Variants in PDPK1 observed in about 807,000 individuals in gnomAD.
PDPK1 encodes the protein 3-phosphoinositide-dependent protein kinase 1.
A neutral mutation model predicts 39.8 loss-of-function variants in PDPK1; 7 were observed. The ratio of observed to expected loss-of-function variants is 0.18; its 90% CI spans 0.10 to 0.33. The LOEUF is 0.33. Among genes scored for constraint, PDPK1 ranks in the 10% least tolerant of loss-of-function variants. The pLI is 1.00. For missense variants in PDPK1, 182 were observed against 384.7 expected, an observed-to-expected ratio of 0.47 and a Z score of 4.41; for synonymous variants, 118 against 159.1, an observed-to-expected ratio of 0.74 and a Z score of 1.95.
chr16:2,562,638 G>A (rs1172961804), intron 4 of PDPK1: 1 of 149,172 alleles, frequency 6.7e-6, no homozygotes, highest in African/African-American at 2.5e-5. Flanking sequence ...CCCACGAGAA[G>A]CTTCGATTTT....
At chr16:2,538,527 G>T (rs1464855015) in intron 1 of PDPK1, 1 of 787,348 alleles carries the variant, frequency 1.3e-6, no homozygotes, top group South Asian at 1.4e-5. Flanking sequence ...CTTCCACCTG[G>T]AACGGGGTCC....
chr16:2,579,677 C>A (rs1406879738), intron 7 of PDPK1: 2 of 141,372 alleles, frequency 1.4e-5, no homozygotes, highest in Non-Finnish European at 3.1e-5. Context: ...AGAGGCCGGG[C>A]GTGGTGGCTC....
intron 1 of PDPK1, among the ~76,000 whole-genome samples, chr16:2,540,919 G>A (rs1160306193): frequency 6.6e-6 from 1 of 152,242 alleles, no homozygotes; most frequent in Non-Finnish European, 1.5e-5. Context: ...TGCATCCTTA[G>A]GGGAAGGTGA....
At chr16:2,551,748 C>T (rs2066415780) in intron 1 of PDPK1, among the ~76,000 whole-genome samples, 1 of 150,018 alleles carries the variant, frequency 6.7e-6, no homozygotes, top group African/African-American at 2.4e-5. Context: ...CTCACTGCAA[C>T]CTCCGCCTCC....
intron 1 of PDPK1, 32 bp downstream of exon 1, chr16:2,538,168 G>C: frequency 9.5e-7 from 1 of 1,047,396 alleles, no homozygotes; most frequent in Non-Finnish European, 1.2e-6. Flanking sequence ...GGACGCGCCG[G>C]TTTGTTACCC....
intron 1 of PDPK1, 39 bp downstream of exon 1, chr16:2,538,175 A>G: frequency 9.7e-7 from 1 of 1,032,024 alleles, no homozygotes; most frequent in Non-Finnish European, 1.2e-6. Context: ...CCGGTTTGTT[A>G]CCCTGCCGGG....
At chr16:2,587,622 C>T (rs1483473497) in intron 11 of PDPK1, among the ~76,000 whole-genome samples, 1 of 152,164 alleles carries the variant, frequency 6.6e-6, no homozygotes, top group Admixed American at 6.5e-5. Flanking sequence ...AATTCTCCTG[C>T]CTCAACCTCT....
chr16:2,539,835 T>A (rs1350342277), intron 1 of PDPK1, among the ~76,000 whole-genome samples: 1 of 152,208 alleles, frequency 6.6e-6, no homozygotes, highest in African/African-American at 2.4e-5. Context: ...GTATTTGGTG[T>A]CATCCACGGG....
chr16:2,551,684 T>TTAA (rs2066413247), intron 1 of PDPK1, among the ~76,000 whole-genome samples: 1 of 146,056 alleles, frequency 6.8e-6, no homozygotes, highest in Non-Finnish European at 1.5e-5. Context: ...TTTTTGTTTT[T>TTAA]AGACGGAGTT....
At chr16:2,538,328 C>A (rs1303206964) in intron 1 of PDPK1, 192 bp downstream of exon 1, 2 of 406,346 alleles carry the variant, frequency 4.9e-6, no homozygotes, top group Non-Finnish European at 8.7e-6. Flanking sequence ...GGAGACCGGG[C>A]CTGGGTTGCG....
At position 2,593,916 on chromosome 16, in the gene PDPK1, C is replaced by A. The variant is rs1192707193; in HGVS notation, c.1344-1877C>A. 1 of 152,300 alleles carries A rather than the reference C, an allele frequency of 6.6e-6. No homozygotes were observed. Among genetic ancestry groups the A allele is most frequent in the Non-Finnish European group, 1.5e-5 (1 of 68,096 alleles). 9.4% of individuals were successfully genotyped at this position (152,300 alleles called of 1,614,324 possible). A position where few individuals can be genotyped will look rare whatever the true frequency, so the allele number is the denominator to read the frequency against. On this transcript the variant is annotated intron_variant, in intron 11 of 13. Coordinates refer to ENST00000342085, the MANE Select transcript of PDPK1 (RefSeq NM_002613.5). The surrounding 1 kb of genome is among the most constrained non-coding windows in gnomAD (Gnocchi z 4.2). Reference sequence around the variant, plus strand: ...ATCTGTTTCTCTTTGTTTTAATACCCACATTGTGTGTGTTTGCAGGCGAAG... The same window carrying A: ...ATCTGTTTCTCTTTGTTTTAATACCAACATTGTGTGTGTTTGCAGGCGAAG...
rs2067184995 is a variant in PDPK1, at chr16:2,600,018, A to G, written c.*2251A>G. 2 of 233,108 alleles carry G rather than the reference A, an allele frequency of 8.6e-6. No individual in the cohort carries two copies. The highest frequency in any genetic ancestry group is 6.0e-5 in the East Asian group (1 of 16,606). The allele number at this position is 233,108 out of a possible 1,614,324, so 14.4% of individuals were successfully genotyped here. A position where few individuals can be genotyped will look rare whatever the true frequency, so the allele number is the denominator to read the frequency against. Reference sequence around the variant, plus strand: ...ATGCCATTGCCTGAGCTGACAGCCAAGCCCTTCTGTGGGTCACCTTTCTCC... The same window carrying G: ...ATGCCATTGCCTGAGCTGACAGCCAGGCCCTTCTGTGGGTCACCTTTCTCC... On this transcript the variant is annotated 3_prime_UTR_variant, in exon 14 of 14. Transcript: ENST00000342085.
chr16:2,595,198 C>G (rs529450504), intron 11 of PDPK1, among the ~76,000 whole-genome samples: 3 of 152,166 alleles, frequency 2.0e-5, no homozygotes, highest in Non-Finnish European at 4.4e-5. Flanking sequence ...TAAATTAAAG[C>G]CTCTATGTGA....
chr16:2,586,951 G>A (rs929645592), intron 11 of PDPK1, 58 bp downstream of exon 11: 56 of 1,471,926 alleles, frequency 3.8e-5, no homozygotes, highest in Non-Finnish European at 5.1e-5. Flanking sequence ...GAACACGTGG[G>A]GGCTTATGGT....
rs935138196 is a variant in PDPK1 at position 2,598,502 on chromosome 16, C to T, written c.*735C>T. On this transcript the variant is annotated 3_prime_UTR_variant, in exon 14 of 14. Transcript: ENST00000342085. ...CGAGGGCTCCGGATCCCTTATCCTA[C>T]TTAGCAGTGTTGGTCTCTGGGGCTG... is the stretch of plus-strand genomic sequence containing the variant. The T allele has an allele frequency of 3.0e-5, 7 of 233,722 alleles. No individual in the cohort carries two copies. Among genetic ancestry groups the T allele is most frequent in the African/African-American group, 1.5e-4 (7 of 45,478 alleles). 14.5% of individuals were successfully genotyped at this position (233,722 alleles called of 1,614,324 possible).
At chr16:2,544,935 A>G (rs760786758) in intron 1 of PDPK1, among the ~76,000 whole-genome samples, 8 of 151,762 alleles carry the variant, frequency 5.3e-5, no homozygotes, top group African/African-American at 1.7e-4. Context: ...CACACACATG[A>G]TAGCATTTCA....
rs1254468194 is a variant in PDPK1 at position 2,593,417 on chromosome 16, T to A, written c.1344-2376T>A. 2 of 319,040 alleles carry A rather than the reference T, an allele frequency of 6.3e-6. No homozygotes were observed. Among genetic ancestry groups the A allele is most frequent in the Non-Finnish European group, 1.2e-5 (2 of 165,656 alleles). The allele number at this position is 319,040 out of a possible 1,614,324, so 19.8% of individuals were successfully genotyped here. On this transcript the variant is annotated intron_variant, in intron 11 of 13. Transcript: ENST00000342085. This position sits in a 1 kb window ranked among gnomAD's most constrained non-coding sequence, Gnocchi z 4.2. ...GGTTTTTTAGGTGGAGGTGGTTTCG[T>A]CCTCTTTCCGTGGCTCCCACAGCTC...
At chr16:2,540,722 A>G (rs1464851382) in intron 1 of PDPK1, among the ~76,000 whole-genome samples, 1 of 152,212 alleles carries the variant, frequency 6.6e-6, no homozygotes, top group Non-Finnish European at 1.5e-5. Flanking sequence ...GCTGTCAGAA[A>G]GCAGCTGTTT....
intron 6 of PDPK1, among the ~76,000 whole-genome samples, chr16:2,573,993 A>G (rs2066684018): frequency 4.0e-5 from 1 of 25,066 alleles, no homozygotes; most frequent in African/African-American, 2.8e-4. Flanking sequence ...ACGGGGTTTC[A>G]CCACGTTTAT....
Sources: gnomAD v4.1 joint callset for allele counts (sites outside exome capture counted in the v4.1 genomes callset) on GRCh38, gnomAD v4.1.1 for gene constraint, Gnocchi (gnomAD v3.1) non-coding constraint, MANE v1.5 for transcripts, NCBI Gene and HGNC (gene_info 2026-07-23, HGNC 2026-07-21) for gene names.